The following EYS variants were observed in gnomAD, a reference collection of about 807,000 sequenced individuals.
The protein encoded by EYS is EGF-like photoreceptor maintenance factor, also known as protein eyes shut homolog.
In EYS, 250 loss-of-function variants were observed where a neutral mutation model predicts 282.1. The observed-to-expected ratio is 0.89, with a 90% confidence interval of 0.80 to 0.98. EYS has a LOEUF of 0.98. Ranked by LOEUF, EYS falls within the 50% of genes least tolerant of loss-of-function variation. The pLI, the probability that EYS is intolerant of heterozygous loss-of-function variation, is 0.00. For synonymous variants in EYS, 1,355 were observed against 1,282.9 expected, an observed-to-expected ratio of 1.06 and a Z score of -1.20; for missense variants, 4,016 against 3,709.0, an observed-to-expected ratio of 1.08 and a Z score of -2.15.
intron 13 of EYS, among the ~76,000 whole-genome samples, chr6:65,031,236 T>C (rs180941938): frequency 2.7e-5 from 4 of 150,858 alleles, no homozygotes; most frequent in African/African-American, 9.7e-5. Flanking sequence ...ATAAAACAAG[T>C]TCTTAGAGAT....
At chr6:64,734,263 T>G (rs1336028907) in intron 22 of EYS, among the ~76,000 whole-genome samples, 1 of 152,186 alleles carries the variant, frequency 6.6e-6, no homozygotes, top group East Asian at 1.9e-4. Flanking sequence ...TAACCTTTAC[T>G]TCTAAGAAAC....
chr6:65,680,166 TTTG>T (rs1337638185), intron 1 of EYS, among the ~76,000 whole-genome samples: 6 of 151,642 alleles, frequency 4.0e-5, no homozygotes, highest in African/African-American at 1.5e-4. Flanking sequence ...AAATTCATTG[TTTG>T]ACTTTGACTC....
At chr6:63,990,264 A>G (rs1321972776) in intron 34 of EYS, among the ~76,000 whole-genome samples, 3 of 151,726 alleles carry the variant, frequency 2.0e-5, no homozygotes, top group Non-Finnish European at 3.0e-5. Flanking sequence ...CACAGAAGCA[A>G]CAAAAATACA....
chr6:63,915,569 T>G (rs1764401260), intron 35 of EYS, among the ~76,000 whole-genome samples: 1 of 152,200 alleles, frequency 6.6e-6, no homozygotes, highest in African/African-American at 2.4e-5. Context: ...AGGCTATAGC[T>G]GCCATAAATA....
intron 33 of EYS, among the ~76,000 whole-genome samples, chr6:64,008,508 T>G (rs1457795980): frequency 6.6e-6 from 1 of 152,162 alleles, no homozygotes; most frequent in Non-Finnish European, 1.5e-5. Context: ...CCTGTCATCA[T>G]GTTGTTAGTT....
At chr6:64,829,953 T>G (rs1412555349) in intron 19 of EYS, among the ~76,000 whole-genome samples, 3 of 151,908 alleles carry the variant, frequency 2.0e-5, no homozygotes, top group African/African-American at 4.8e-5. Flanking sequence ...AATGTATGGT[T>G]GTTGTAGGCT....
chr6:63,727,476 C>T (rs1051248409), intron 41 of EYS, among the ~76,000 whole-genome samples: 8 of 150,758 alleles, frequency 5.3e-5, no homozygotes, highest in African/African-American at 1.7e-4. Flanking sequence ...TCATTCATTT[C>T]GACTTATTGC....
chr6:65,439,786 C>T (rs1267740333), intron 5 of EYS, among the ~76,000 whole-genome samples: 1 of 151,998 alleles, frequency 6.6e-6, no homozygotes, highest in Non-Finnish European at 1.5e-5. Context: ...CCAATCATGC[C>T]CAGTTCTCAT....
chr6:64,484,082 G>T (rs1191141408), intron 26 of EYS, among the ~76,000 whole-genome samples: 1 of 151,570 alleles, frequency 6.6e-6, no homozygotes, highest in Non-Finnish European at 1.5e-5. Context: ...TGTGTCTTTA[G>T]ACTGAGTGAA....
At chr6:65,655,010 C>T (rs970438387) in intron 1 of EYS, among the ~76,000 whole-genome samples, 4 of 143,112 alleles carry the variant, frequency 2.8e-5, no homozygotes, top group African/African-American at 1.0e-4. Flanking sequence ...AATGTTTGTC[C>T]AAGATTTTAG....
chr6:64,024,680 C>A (rs1052926520), intron 33 of EYS, among the ~76,000 whole-genome samples: 1 of 152,016 alleles, frequency 6.6e-6, no homozygotes, highest in Non-Finnish European at 1.5e-5. Context: ...CTGAAGCTAG[C>A]GAGACCACGA....
At chr6:63,858,384 G>A (rs1188884531) in intron 36 of EYS, among the ~76,000 whole-genome samples, 1 of 152,130 alleles carries the variant, frequency 6.6e-6, no homozygotes, top group African/African-American at 2.4e-5. Flanking sequence ...TTTAAGAACT[G>A]AAATGTGTAC....
chr6:65,001,111 C>G (rs917735479), intron 13 of EYS, among the ~76,000 whole-genome samples: 6 of 144,826 alleles, frequency 4.1e-5, no homozygotes, highest in African/African-American at 1.5e-4. Context: ...TTACAATGCT[C>G]TCAGCCTTGC....
At chr6:64,094,801 G>T (rs1772524127) in intron 31 of EYS, among the ~76,000 whole-genome samples, 1 of 152,080 alleles carries the variant, frequency 6.6e-6, no homozygotes, top group South Asian at 2.1e-4. Flanking sequence ...GCTAGCTTTT[G>T]AATGTGTTTG....
intron 41 of EYS, among the ~76,000 whole-genome samples, chr6:63,738,433 T>A (rs570022927): frequency 2.0e-5 from 3 of 151,900 alleles, no homozygotes; most frequent in Non-Finnish European, 4.4e-5. Flanking sequence ...TCATGTCCTT[T>A]GTAGGGACAT....
intron 22 of EYS, among the ~76,000 whole-genome samples, chr6:64,696,451 G>T (rs986794136): frequency 2.0e-5 from 3 of 152,224 alleles, no homozygotes; most frequent in Admixed American, 6.5e-5. Context: ...TTAAGAAAAA[G>T]CTTTCTTAGT....
chr6:64,028,266 G>T (rs1769635255), intron 33 of EYS, among the ~76,000 whole-genome samples: 1 of 152,198 alleles, frequency 6.6e-6, no homozygotes, highest in Non-Finnish European at 1.5e-5. Context: ...CAGGTTAAAA[G>T]ATCCCACCAC....
intron 10 of EYS, among the ~76,000 whole-genome samples, chr6:65,341,599 C>T (rs1020360558): frequency 6.6e-6 from 1 of 151,166 alleles, no homozygotes; most frequent in East Asian, 1.9e-4. Flanking sequence ...CATTTTCATG[C>T]TTCTGGGATT....
chr6:65,506,459 T>C (rs1473181762), intron 2 of EYS, among the ~76,000 whole-genome samples: 2 of 120,106 alleles, frequency 1.7e-5, no homozygotes, highest in African/African-American at 3.2e-5. Flanking sequence ...TTCCTTCCTT[T>C]CTTTTTTTTT....
Sources: allele counts gnomAD v4.1 joint callset (sites outside exome capture counted in the v4.1 genomes callset), GRCh38; gene constraint gnomAD v4.1.1; transcripts MANE v1.5; gene names NCBI Gene and HGNC (gene_info 2026-07-23, HGNC 2026-07-21).